The following BEAN1 variants were observed in gnomAD, a reference collection of about 807,000 sequenced individuals.
BEAN1 encodes the protein protein BEAN1.
Under a neutral mutation model 17.7 loss-of-function variants are expected in BEAN1, and 17 were observed. The observed-to-expected ratio is 0.96, with a 90% confidence interval of 0.66 to 1.44. The LOEUF (loss-of-function observed/expected upper bound fraction) is 1.44, where lower values mean the gene tolerates loss of function less well. BEAN1 is among the 40% of genes most tolerant of loss of function. The pLI, the probability that BEAN1 is intolerant of heterozygous loss-of-function variation, is 0.00. For missense variants in BEAN1, 359 were observed against 374.1 expected, an observed-to-expected ratio of 0.96 and a Z score of 0.33; for synonymous variants, 142 against 151.8, an observed-to-expected ratio of 0.94 and a Z score of 0.47.
chr16:66,436,266 CTTT>C (rs560577711), intron 1 of BEAN1, among the ~76,000 whole-genome samples: 4 of 120,640 alleles, frequency 3.3e-5, no homozygotes, highest in Non-Finnish European at 3.5e-5. Flanking sequence ...TTTTTCTTTT[CTTT>C]TTTTTTTTTT....
intron 3 of BEAN1, 126 bp from the exon 4 acceptor site, chr16:66,477,434 T>C (rs1963792192): frequency 1.0e-6 from 1 of 1,002,358 alleles, no homozygotes; most frequent in South Asian, 2.0e-5. Flanking sequence ...GCAGCTGTGC[T>C]TGGTGAGGAG....
At chr16:66,433,937 C>G (rs1354782324) in intron 1 of BEAN1, among the ~76,000 whole-genome samples, 3 of 152,222 alleles carry the variant, frequency 2.0e-5, no homozygotes, top group Non-Finnish European at 2.9e-5. Context: ...CACATGCTCC[C>G]CTGCCCAACT....
intron 3 of BEAN1, among the ~76,000 whole-genome samples, chr16:66,474,086 T>C (rs1000756109): frequency 6.6e-5 from 10 of 152,118 alleles, no homozygotes; most frequent in South Asian, 2.1e-4. Context: ...GCTCCAGGTG[T>C]CCACAGAGGC....
At chr16:66,432,046 A>C (rs1034898168) in intron 1 of BEAN1, among the ~76,000 whole-genome samples, 1 of 152,182 alleles carries the variant, frequency 6.6e-6, no homozygotes, top group African/African-American at 2.4e-5. Flanking sequence ...TGACAGACTG[A>C]AACTTTTTCT....
intron 4 of BEAN1, chr16:66,479,191 T>C (rs1303010353): frequency 6.6e-6 from 1 of 152,246 alleles, no homozygotes; most frequent in East Asian, 1.9e-4. Flanking sequence ...CCTGAGCCCT[T>C]GGTTCCTGAG....
At chr16:66,459,656 C>G (rs1008765973) in intron 2 of BEAN1, among the ~76,000 whole-genome samples, 1 of 152,122 alleles carries the variant, frequency 6.6e-6, no homozygotes, top group African/African-American at 2.4e-5. Flanking sequence ...TTGAAGACCC[C>G]TCACGGTATG....
intron 2 of BEAN1, among the ~76,000 whole-genome samples, chr16:66,464,554 G>T (rs1289855128): frequency 6.6e-6 from 1 of 152,084 alleles, no homozygotes; most frequent in African/African-American, 2.4e-5. Flanking sequence ...TGTTGGCTAG[G>T]CTGGTTTCAA....
chr16:66,479,370 G>C (rs1426447435), intron 4 of BEAN1, among the ~76,000 whole-genome samples: 2 of 152,116 alleles, frequency 1.3e-5, no homozygotes, highest in African/African-American at 4.8e-5. Context: ...GCAGAGGGTT[G>C]GGTTGGCCTC....
rs574663946 is a variant in BEAN1 at position 66,434,931 on chromosome 16, G to A, written c.-82-2664G>A. Among the ~76,000 whole-genome samples, 31 of 152,178 alleles carry A rather than the reference G, an allele frequency of 2.0e-4. No individual in the cohort carries two copies. Among genetic ancestry groups the A allele is most frequent in the Non-Finnish European group, 3.2e-4 (22 of 68,018 alleles). ...GGCCACACTGACCCTCCATGCCCTC[G>A]AGGAGCTACTGGTCTAGAATAATTT... is the stretch of plus-strand genomic sequence containing the variant. On this transcript the variant is annotated intron_variant, in intron 1 of 4. Transcript: ENST00000536005. This position sits in a 1 kb window ranked among gnomAD's most constrained non-coding sequence, Gnocchi z 4.3.
rs918329669 is a variant in BEAN1 at position 66,432,014 on chromosome 16, C to T, written c.-83+4583C>T. Among the ~76,000 whole-genome samples, 4 of 152,110 alleles carry T rather than the reference C, an allele frequency of 2.6e-5. No individual in the cohort carries two copies. In the South Asian group the frequency reaches 6.2e-4, roughly 24 times the overall value. On this transcript the variant is annotated intron_variant, in intron 1 of 4. Transcript: ENST00000536005. ...TAGAGACGAGGTTTCATTGTTATCG[C>T]ACCACTGCACTCCAGCCTGGGTGAC...
chr16:66,477,863 C>A, intron 4 of BEAN1, 153 bp downstream of exon 4: 1 of 835,390 alleles, frequency 1.2e-6, no homozygotes. Context: ...CTCCCCACTC[C>A]TGACCAAGTA....
chr16:66,476,266 G>A (rs1432118640), intron 3 of BEAN1: 1 of 152,156 alleles, frequency 6.6e-6, no homozygotes, highest in Non-Finnish European at 1.5e-5. Flanking sequence ...AATTGTACCT[G>A]CAGATAGAGT....
At position 66,477,513 on chromosome 16, in the gene BEAN1, C is replaced by T. The variant is rs1193950040; in HGVS notation, c.290-47C>T. 13 of 1,480,046 alleles carry T rather than the reference C, an allele frequency of 8.8e-6. No individual in the cohort carries two copies. The Admixed American group carries it at 2.5e-4, about 28-fold the overall frequency. 91.7% of individuals were successfully genotyped at this position (1,480,046 alleles called of 1,614,324 possible). ...AGACCTACAGACCCATAAGGACCAT[C>T]CCTGGATCCTGGTCTGAGGCCCAGG... is the stretch of plus-strand genomic sequence containing the variant. On this transcript the variant is annotated intron_variant, in intron 3 of 4. Transcript: ENST00000536005.
chr16:66,458,211 A>G lies in BEAN1; in HGVS notation c.26-11391A>G, dbSNP rs117667318. On this transcript the variant is annotated intron_variant, in intron 2 of 4. Coordinates refer to ENST00000536005, the MANE Select transcript of BEAN1 (RefSeq NM_001178020.3). ...TTCCTTCCCTTTGTCACTGCAGCTC[A>G]GGTAGCTTCAGGCTGCAAAGAGCAC... 6.8e-3 allele frequency among the ~76,000 whole-genome samples: 1,039 copies of G among 152,296 alleles called. 9 individuals are homozygous for G. The highest frequency in any genetic ancestry group is 0.02 in the Middle Eastern group (6 of 294).
At chr16:66,467,747 G>A (rs1055966082) in intron 2 of BEAN1, among the ~76,000 whole-genome samples, 2 of 152,208 alleles carry the variant, frequency 1.3e-5, no homozygotes, top group African/African-American at 4.8e-5. Context: ...CTCCAGGGGA[G>A]CGTCTTACAG....
intron 2 of BEAN1, among the ~76,000 whole-genome samples, chr16:66,467,364 C>T (rs1963292116): frequency 6.6e-6 from 1 of 152,136 alleles, no homozygotes; most frequent in South Asian, 2.1e-4. Context: ...GGAGAGGCCT[C>T]AAGAAACAGA....
rs774851739 is a variant in BEAN1 at position 66,481,228 on chromosome 16, T to C, written c.*303T>C. 1.5e-4 allele frequency: 63 copies of C among 409,958 alleles called. No homozygotes were observed. The highest frequency in any genetic ancestry group is 2.3e-4 in the Non-Finnish European group (53 of 233,054). The allele number at this position is 409,958 out of a possible 1,614,324, so 25.4% of individuals were successfully genotyped here. A position where few individuals can be genotyped will look rare whatever the true frequency, so the allele number is the denominator to read the frequency against. On this transcript the variant is annotated 3_prime_UTR_variant, in exon 5 of 5. Transcript: ENST00000536005. The surrounding 1 kb of genome is among the most constrained non-coding windows in gnomAD (Gnocchi z 4.1). ...CCGTCCCTCCTCCCGGCCTGTTTGT[T>C]GTGCCTCTGTAGAGAGCGCTTCGGA... is the stretch of plus-strand genomic sequence containing the variant.
rs763253587 is a variant in BEAN1, at chr16:66,471,888, C to T, written c.289+2023C>T. 2.6e-5 allele frequency among the ~76,000 whole-genome samples: 4 copies of T among 152,232 alleles called. No homozygotes were observed. Among genetic ancestry groups the T allele is most frequent in the African/African-American group, 4.8e-5 (2 of 41,458 alleles). The stretch of plus-strand genomic sequence containing the variant: ...GGCTGCAGAGTCCAGGGCTCCTGCC[C>T]AGAGCATGCCCATCCCCTGCAAGAG... On this transcript the variant is annotated intron_variant, in intron 3 of 4. Transcript: ENST00000536005. This position sits in a 1 kb window ranked among gnomAD's most constrained non-coding sequence, Gnocchi z 4.7.
At chr16:66,441,491 T>C (rs1195014510) in intron 2 of BEAN1, among the ~76,000 whole-genome samples, 1 of 152,052 alleles carries the variant, frequency 6.6e-6, no homozygotes, top group Non-Finnish European at 1.5e-5. Flanking sequence ...GCTTGCCAGG[T>C]ACATGTGAAG....
Sources: allele counts gnomAD v4.1 joint callset (sites outside exome capture counted in the v4.1 genomes callset), GRCh38; gene constraint gnomAD v4.1.1; non-coding constraint Gnocchi (gnomAD v3.1); transcripts MANE v1.5; gene names NCBI Gene and HGNC (gene_info 2026-07-23, HGNC 2026-07-21).